The following ASAP3 variants were observed in gnomAD, a reference collection of about 807,000 sequenced individuals.
ASAP3 encodes the protein arf-GAP with SH3 domain, ANK repeat and PH domain-containing protein 3.
Under a neutral mutation model 118.2 loss-of-function variants are expected in ASAP3, and 85 were observed. The observed-to-expected ratio is 0.72, with a 90% CI of 0.60 to 0.86. ASAP3 has a LOEUF of 0.86. ASAP3 is among the 40% of genes least tolerant of loss of function. The pLI, the probability that ASAP3 is intolerant of heterozygous loss-of-function variation, is 0.00. For missense variants in ASAP3, 1,026 were observed against 1,175.0 expected (o/e 0.87, Z 1.85); for synonymous variants, 432 against 477.4 (o/e 0.90, Z 1.24).
chr1:23,464,158 G>C (rs1313888633), intron 1 of ASAP3, among the ~76,000 whole-genome samples: 1 of 147,142 alleles, frequency 6.8e-6, no homozygotes, highest in African/African-American at 2.6e-5. Flanking sequence ...AACAAAGTGA[G>C]ACCCCCACCC....
intron 3 of ASAP3, 114 bp from the exon 4 acceptor site, chr1:23,452,885 G>A (rs1221869113): frequency 9.8e-7 from 1 of 1,016,656 alleles, no homozygotes; most frequent in Non-Finnish European, 1.5e-6. Flanking sequence ...AAGGGAAGTA[G>A]GGGAGAGGAA....
intron 1 of ASAP3, among the ~76,000 whole-genome samples, chr1:23,482,664 C>T (rs910947719): frequency 1.3e-5 from 2 of 152,134 alleles, no homozygotes; most frequent in Non-Finnish European, 2.9e-5. Flanking sequence ...AAAAGGTCTG[C>T]CTTGGCCGGC....
At chr1:23,446,604 A>G (rs548835940) in intron 5 of ASAP3, among the ~76,000 whole-genome samples, 40 of 151,866 alleles carry the variant, frequency 2.6e-4, no homozygotes, top group African/African-American at 8.7e-4. Flanking sequence ...CACCCAGCTA[A>G]TTTTCGTATT....
At chr1:23,442,993 C>T (rs150646964) in intron 5 of ASAP3, among the ~76,000 whole-genome samples, 61 of 152,232 alleles carry the variant, frequency 4.0e-4, no homozygotes, top group African/African-American at 1.4e-3. Context: ...AGGGCTGGTG[C>T]CAGCTAAGGT....
rs372404476 is a variant in ASAP3, at chr1:23,434,204, A to G, written c.1951+50T>C. 118 of 1,571,434 alleles carry G rather than the reference A, an allele frequency of 7.5e-5. 2 individuals are homozygous for G. The highest frequency in any genetic ancestry group is 3.1e-4 in the East Asian group (14 of 44,638). On this transcript the variant is annotated intron_variant, in intron 19 of 24. Coordinates refer to ENST00000336689, the MANE Select transcript of ASAP3 (RefSeq NM_017707.4). ...GCCCGAGACCATCGGAAGTCCACAT[A>G]AGGGGTAGTCAGGAATAGGAGTCTG...
chr1:23,446,855 A>G (rs1426411195), intron 5 of ASAP3, among the ~76,000 whole-genome samples: 1 of 152,060 alleles, frequency 6.6e-6, no homozygotes, highest in Non-Finnish European at 1.5e-5. Context: ...TACACTGTCT[A>G]TCCAGCAGTC....
At position 23,431,061 on chromosome 1, in the gene ASAP3, G is replaced by C; in HGVS notation, c.2611C>G (p.Gln871Glu). ...RSPEDGPSAR[Q>E]PLPRRNVPVG... ...GGCACGTTCCTTCTGGGCAGAGGCT[G>C]CCTGGCTGAGGGACCATCTTCAGGG... Residue 871 changes from glutamine (Q) to glutamate (E), a missense_variant, in exon 24 of 25, where the codon CAG (glutamine) becomes GAG (glutamate). By Grantham distance (29) the Gln-to-Glu change is conservative. Transcript: ENST00000336689. The C allele has an allele frequency of 6.3e-7, 1 of 1,589,840 alleles. No individual in the cohort carries two copies.
rs770899364 is a variant in ASAP3 at position 23,439,170 on chromosome 1, T to A, written c.1005A>T (p.Ser335=). The A allele has an allele frequency of 3.7e-6, 6 of 1,610,280 alleles. No homozygotes were observed. The Admixed American group carries it at 1.0e-4, about 27-fold the overall frequency. The change falls in exon 11 of 25, where the codon TCA becomes TCT. Residue 335 remains serine, a synonymous_variant. Transcript: ENST00000336689. The stretch of plus-strand genomic sequence containing the variant: ...CACCTCTAGGCCTCACCGTGCTGTG[T>A]GAGATGGTCAGGCAGCCATACTTGA... ...CGVKYGCLTI[S]HSTINRPPVK...
rs149730721 is a variant in ASAP3, at chr1:23,442,586, C to T, written c.500G>A (p.Arg167Gln). 1.8e-5 allele frequency: 29 copies of T among 1,613,976 alleles called. No homozygotes were observed. The highest frequency in any genetic ancestry group is 6.7e-5 in the East Asian group (3 of 44,886). Residue 167 changes from arginine to glutamine, a missense_variant, in exon 6 of 25, where the codon CGG (arginine) becomes CAG (glutamine). Transcript: ENST00000336689. ...AGGGATCCCTCCTGTCACCCTGGCC[C>T]GATCGCGCTCCTTCTCCAGCTTGGC... ...KMAKLEKERD[R>Q]ARVTGGIPGE...
chr1:23,432,442 T>C (rs927382366), intron 22 of ASAP3, among the ~76,000 whole-genome samples: 2 of 152,298 alleles, frequency 1.3e-5, no homozygotes, highest in African/African-American at 4.8e-5. Flanking sequence ...TCATACCCTG[T>C]CCCAGTTTGG....
At position 23,434,584 on chromosome 1, in the gene ASAP3, T is replaced by G. The variant is rs188720319; in HGVS notation, c.1784A>C (p.Lys595Thr). The G allele has an allele frequency of 7.8e-4, 1,265 of 1,614,088 alleles. 18 individuals are homozygous for G. The Admixed American group carries it at 0.018, about 23-fold the overall frequency. Reference sequence around the variant, plus strand: ...AGGCAGGGAAGCCTGGTTGGCGACTTTGACAGCCAAATGCAAGACGAGTTC... The same window carrying G: ...AGGCAGGGAAGCCTGGTTGGCGACTGTGACAGCCAAATGCAAGACGAGTTC... ...PEELVLHLAV[K>T]VANQASLPLV... Residue 595 changes from lysine to threonine, a missense_variant, in exon 18 of 25, where the codon AAA becomes ACA. Coordinates refer to ENST00000336689, the MANE Select transcript of ASAP3 (RefSeq NM_017707.4).
At chr1:23,466,953 C>T (rs1169890041) in intron 1 of ASAP3, among the ~76,000 whole-genome samples, 3 of 152,034 alleles carry the variant, frequency 2.0e-5, no homozygotes, top group Middle Eastern at 3.2e-3. Flanking sequence ...CCGCAACCTC[C>T]GCCTCCCAGG....
chr1:23,452,689 A>T lies in ASAP3; in HGVS notation c.423+8T>A. ...TGTCCCACCACCACTCCCAGCATGG[A>T]GACTCACCTGTCGACCGTCCCTCAG... On this transcript the variant is annotated splice_region_variant and intron_variant, in intron 4 of 24. Transcript: ENST00000336689. 1 of 1,612,776 alleles carries T rather than the reference A, an allele frequency of 6.2e-7. No homozygotes were observed. Among genetic ancestry groups the T allele is most frequent in the Non-Finnish European group, 8.5e-7 (1 of 1,179,130 alleles).
intron 1 of ASAP3, among the ~76,000 whole-genome samples, chr1:23,462,944 G>C (rs1359345654): frequency 1.3e-5 from 2 of 152,180 alleles, no homozygotes; most frequent in Non-Finnish European, 2.9e-5. Context: ...CCCTTAAGCT[G>C]TGTTGCTTAA....
In ASAP3 at chr1:23,472,361, G is replaced by T. The variant is rs557297018; in HGVS notation, c.129+11644C>A. Among the ~76,000 whole-genome samples, 5 of 152,292 alleles carry T rather than the reference G, an allele frequency of 3.3e-5. No homozygotes were observed. The South Asian group carries it at 1.0e-3, about 32-fold the overall frequency. On this transcript the variant is annotated intron_variant, in intron 1 of 24. Coordinates refer to ENST00000336689, the MANE Select transcript of ASAP3 (RefSeq NM_017707.4). The stretch of plus-strand genomic sequence containing the variant: ...TTTGTTTTGTTTTCGTAGAGACAGG[G>T]TCTTGCTTTGTTGTTTGAGACCAGG...
chr1:23,455,504 C>G lies in ASAP3; in HGVS notation c.348+377G>C, dbSNP rs531575691. Among the ~76,000 whole-genome samples the G allele has an allele frequency of 4.6e-5, 7 of 152,196 alleles. No individual in the cohort carries two copies. The East Asian group carries it at 9.7e-4, about 21-fold the overall frequency. On this transcript the variant is annotated intron_variant, in intron 3 of 24. Coordinates refer to ENST00000336689, the MANE Select transcript of ASAP3 (RefSeq NM_017707.4). ...AAGAGGGAGTGAGGAGAGGAGGAGG[C>G]GGTGGCAGCGGTGGTGGTGGCAGTG...
intron 24 of ASAP3, 39 bp downstream of exon 24, chr1:23,430,996 C>A (rs781501279): frequency 7.4e-5 from 110 of 1,493,322 alleles, no homozygotes; most frequent in Non-Finnish European, 9.7e-5. Flanking sequence ...CCCAGGCACC[C>A]TGCCACCGCC....
chr1:23,444,461 A>G (rs1029733853), intron 5 of ASAP3, among the ~76,000 whole-genome samples: 16 of 152,214 alleles, frequency 1.1e-4, no homozygotes, highest in African/African-American at 3.9e-4. Flanking sequence ...GAAGACAAAG[A>G]CAGAGTGGGA....
intron 3 of ASAP3, among the ~76,000 whole-genome samples, chr1:23,454,479 C>T (rs936273204): frequency 6.6e-6 from 1 of 152,182 alleles, no homozygotes; most frequent in African/African-American, 2.4e-5. Flanking sequence ...AGCCACCGCA[C>T]CCGGCAATTT....
Sources: gnomAD v4.1 joint callset for allele counts (sites outside exome capture counted in the v4.1 genomes callset) on GRCh38, gnomAD v4.1.1 for gene constraint, MANE v1.5 for transcripts, NCBI Gene and HGNC (gene_info 2026-07-23, HGNC 2026-07-21) for gene names.